ANKMY1: variants seen among roughly 807,000 people sequenced by gnomAD.
ANKMY1 encodes ankyrin repeat and MYND domain-containing protein 1.
A neutral mutation model predicts 102.0 loss-of-function variants in ANKMY1; 98 were observed. The ratio of observed to expected loss-of-function variants is 0.96; its 90% CI spans 0.82 to 1.14. ANKMY1 has a LOEUF of 1.14. ANKMY1 is among the 50% of genes most tolerant of loss of function. The pLI is 0.00. For missense variants in ANKMY1, 1,330 were observed against 1,347.6 expected (o/e 0.99, Z 0.20); for synonymous variants, 582 against 559.9 (o/e 1.04, Z -0.56).
intron 4 of ANKMY1, among the ~76,000 whole-genome samples, chr2:240,531,608 G>A (rs931995987): frequency 3.3e-5 from 5 of 152,050 alleles, no homozygotes; most frequent in Admixed American, 6.5e-5. Context: ...GAATCATGCC[G>A]TAAGCAAAAG....
At chr2:240,485,223 G>A (rs2075904777) in intron 15 of ANKMY1, among the ~76,000 whole-genome samples, 1 of 152,066 alleles carries the variant, frequency 6.6e-6, no homozygotes, top group African/African-American at 2.4e-5. Flanking sequence ...AGCTACTCGG[G>A]AGGCTGAGGC....
chr2:240,540,684 G>GCAGC (rs2088500994), intron 4 of ANKMY1, among the ~76,000 whole-genome samples: 1 of 152,210 alleles, frequency 6.6e-6, no homozygotes, highest in Non-Finnish European at 1.5e-5. Flanking sequence ...TGCAGCACCT[G>GCAGC]ATTAAAGCCT....
At chr2:240,531,615 A>G (rs1452808782) in intron 4 of ANKMY1, among the ~76,000 whole-genome samples, 2 of 152,232 alleles carry the variant, frequency 1.3e-5, no homozygotes, top group Non-Finnish European at 2.9e-5. Flanking sequence ...GCCGTAAGCA[A>G]AAGAAATCAA....
chr2:240,480,867 C>T, intron 17 of ANKMY1, 70 bp downstream of exon 17: 1 of 1,520,778 alleles, frequency 6.6e-7, no homozygotes, highest in Non-Finnish European at 8.9e-7. Flanking sequence ...CCCTCACCAG[C>T]ACCCCAGGCC....
rs2075082660 is a variant in ANKMY1, at chr2:240,479,434, C to G, written c.*175G>C. 2.6e-6 allele frequency: 2 copies of G among 767,914 alleles called. No individual in the cohort carries two copies. The highest frequency in any genetic ancestry group is 3.3e-5 in the South Asian group (2 of 61,122). 47.6% of individuals were successfully genotyped at this position (767,914 alleles called of 1,614,324 possible). On this transcript the variant is annotated 3_prime_UTR_variant, in exon 18 of 18. Transcript: ENST00000401804. ...AGAGCACAGCACAGACTGTCAAAATCACCCCGTGGGGCCAATTTATTGCGA... is the reference window on the plus strand; with the variant it reads ...AGAGCACAGCACAGACTGTCAAAATGACCCCGTGGGGCCAATTTATTGCGA...
At chr2:240,509,966 C>T (rs1162089756) in intron 11 of ANKMY1, among the ~76,000 whole-genome samples, 1 of 147,990 alleles carries the variant, frequency 6.8e-6, no homozygotes, top group Admixed American at 6.7e-5. Flanking sequence ...GCCCTCCCTG[C>T]CTCCCTGACT....
intron 13 of ANKMY1, among the ~76,000 whole-genome samples, chr2:240,507,281 C>T (rs954185066): frequency 2.6e-5 from 4 of 151,882 alleles, no homozygotes; most frequent in Non-Finnish European, 2.9e-5. Context: ...GAGGACCCCA[C>T]CCCCAGACCC....
upstream of ANKMY1, chr2:240,560,779 G>C (rs758023880): frequency 6.8e-7 from 1 of 1,460,424 alleles, no homozygotes; most frequent in Non-Finnish European, 9.0e-7. Flanking sequence ...GGGAGCGCGC[G>C]AGCCGCGGGC....
chr2:240,482,110 G>C, intron 16 of ANKMY1, 73 bp downstream of exon 16: 1 of 1,518,286 alleles, frequency 6.6e-7, no homozygotes. Context: ...GAGGTGGTCA[G>C]GCCAGGCACA....
chr2:240,477,565 C>CT (rs563312381), downstream of ANKMY1, among the ~76,000 whole-genome samples: 319 of 151,798 alleles, frequency 2.1e-3, 2 homozygotes, highest in African/African-American at 7.0e-3. Context: ...TGACTAAGAT[C>CT]TTTTTTTTAG....
At chr2:240,528,620 G>A (rs907134184) in intron 5 of ANKMY1, among the ~76,000 whole-genome samples, 3 of 152,084 alleles carry the variant, frequency 2.0e-5, no homozygotes, top group African/African-American at 4.8e-5. Context: ...TGCACAAGGG[G>A]AAACGCACAG....
At chr2:240,526,765 C>G (rs932039672) in intron 5 of ANKMY1, 1 of 1,272,168 alleles carries the variant, frequency 7.9e-7, no homozygotes. Context: ...TGGGCTGTAA[C>G]AGCAAAGGCC....
Position 240,480,968 on chromosome 2 carries a change from G to C in ANKMY1, c.3015C>G (p.His1005Gln). The C allele has an allele frequency of 5.0e-6, 8 of 1,612,970 alleles. No homozygotes were observed. Among genetic ancestry groups the C allele is most frequent in the Non-Finnish European group, 6.8e-6 (8 of 1,179,052 alleles). ...CCACCAGGTCCCCGCAGTCCTTCTT[G>C]TGGAACTCGGTCCAGGCCTTGGTCT... is the stretch of plus-strand genomic sequence containing the variant. ...YCKTKAWTEF[H>Q]KKDCGDLVAI... The change falls in exon 17 of 18, where the codon CAC (histidine) becomes CAG (glutamine). Residue 1005 changes from histidine to glutamine, a missense_variant. Coordinates refer to ENST00000401804, the MANE Select transcript of ANKMY1 (RefSeq NM_001282771.3).
intron 11 of ANKMY1, 68 bp from the exon 12 acceptor site, chr2:240,509,523 T>C: frequency 9.3e-7 from 1 of 1,080,914 alleles, no homozygotes; most frequent in Non-Finnish European, 1.3e-6. Context: ...TGGTAGTCAT[T>C]AATTTAAATG....
chr2:240,539,322 C>T (rs1017827901), intron 4 of ANKMY1, among the ~76,000 whole-genome samples: 7 of 151,570 alleles, frequency 4.6e-5, no homozygotes, highest in African/African-American at 1.7e-4. Context: ...AACTCCGGAC[C>T]GGAGGAACGA....
Position 240,529,109 on chromosome 2 carries a change from T to A in ANKMY1, c.881A>T (p.Asp294Val), listed in dbSNP as rs967184823. ...FLNEIPPFVE[D>V]GEPWFIINET... ...ATTGATTATGAACCATGGTTCTCCA[T>A]CCTCAACGAACGGAGGAATTTCATT... The change falls in exon 5 of 18, where the codon GAT (aspartate) becomes GTT (valine). Residue 294 changes from aspartate (D) to valine (V), a missense_variant. Asp to Val is a radical substitution (Grantham distance 152). Transcript: ENST00000401804. This position sits in a 1 kb window ranked among gnomAD's most constrained non-coding sequence, Gnocchi z 4.2. The A allele has an allele frequency of 1.9e-6, 3 of 1,614,160 alleles. No individual in the cohort carries two copies. Among genetic ancestry groups the A allele is most frequent in the African/African-American group, 1.3e-5 (1 of 75,032 alleles).
At chr2:240,524,621 C>A (rs2082987623) in intron 7 of ANKMY1, among the ~76,000 whole-genome samples, 1 of 152,222 alleles carries the variant, frequency 6.6e-6, no homozygotes, top group African/African-American at 2.4e-5. Context: ...CTATACATGG[C>A]TGCTAAGCTC....
chr2:240,516,160 T>TTG (rs2081173407), intron 9 of ANKMY1, among the ~76,000 whole-genome samples: 1 of 151,588 alleles, frequency 6.6e-6, no homozygotes, highest in Admixed American at 6.6e-5. Flanking sequence ...GTTTTTTTTT[T>TTG]TTTGAAATAT....
intron 15 of ANKMY1, among the ~76,000 whole-genome samples, chr2:240,496,352 TTAGA>T (rs55671912): frequency 0.11 from 15,771 of 147,284 alleles, 881 homozygotes; most frequent in Middle Eastern, 0.15. Context: ...GGTACTCTAA[TTAGA>T]TAGATAGATA....
Sources: gnomAD v4.1 joint callset for allele counts (sites outside exome capture counted in the v4.1 genomes callset) on GRCh38, gnomAD v4.1.1 for gene constraint, Gnocchi (gnomAD v3.1) non-coding constraint, MANE v1.5 for transcripts, NCBI Gene and HGNC (gene_info 2026-07-23, HGNC 2026-07-21) for gene names.